The following EXOC3 variants were observed in gnomAD, a reference collection of about 807,000 sequenced individuals.
The protein encoded by EXOC3 is exocyst complex component 3.
EXOC3 carries 21 observed loss-of-function variants against 73.7 expected under a neutral mutation model. The observed-to-expected ratio is 0.29, with a 90% CI of 0.20 to 0.41. The LOEUF (loss-of-function observed/expected upper bound fraction) is 0.41, where lower values mean the gene tolerates loss of function less well. Among genes scored for constraint, EXOC3 ranks in the 10% least tolerant of loss-of-function variants. EXOC3 has a pLI of 1.00. For missense variants in EXOC3, 842 were observed against 985.1 expected (o/e 0.85, Z 1.95); for synonymous variants, 410 against 389.1 (o/e 1.05, Z -0.63).
At chr5:466,672 G>A (rs995202272) in intron 12 of EXOC3, 55 bp from the exon 13 acceptor site, 12 of 1,544,796 alleles carry the variant, frequency 7.8e-6, no homozygotes, top group South Asian at 4.8e-5. Flanking sequence ...CCCTGGCAGC[G>A]TGGTGCATCA....
rs79100071 is a variant in EXOC3 at position 460,213 on chromosome 5, T to C, written c.1391+754T>C. Among the ~76,000 whole-genome samples the C allele has an allele frequency of 1.7e-4, 26 of 152,358 alleles. No individual in the cohort carries two copies. In the East Asian group the frequency reaches 3.9e-3, roughly 23 times the overall value. On this transcript the variant is annotated intron_variant, in intron 7 of 12. Coordinates refer to ENST00000512944, the MANE Select transcript of EXOC3 (RefSeq NM_007277.5). ...TTGATAGTTGTGAATCAGATTGGAC[T>C]GCATCGCATGAGGGCTTAGGGTTCC...
At chr5:454,796 T>C (rs1223254839) in intron 4 of EXOC3, among the ~76,000 whole-genome samples, 4 of 152,000 alleles carry the variant, frequency 2.6e-5, no homozygotes, top group Admixed American at 2.6e-4. Flanking sequence ...AAGTAATGTA[T>C]TGGAATTTCT....
intron 4 of EXOC3, among the ~76,000 whole-genome samples, chr5:456,395 T>TG (rs755528741): frequency 1.3e-5 from 1 of 75,650 alleles, no homozygotes; most frequent in Admixed American, 1.2e-4. Flanking sequence ...CCCGTGGCTG[T>TG]GGGGGCGGCT....
chr5:459,355 T>C lies in EXOC3; in HGVS notation c.1291-4T>C, dbSNP rs1737915860. On this transcript the variant is annotated splice_region_variant and splice_polypyrimidine_tract_variant and intron_variant, in intron 6 of 12. Coordinates refer to ENST00000512944, the MANE Select transcript of EXOC3 (RefSeq NM_007277.5). ...CCAGAATTCATAAGTTCTCTGATTT[T>C]TAGATGTTTGAACAGAATCTTCAAG... The C allele has an allele frequency of 6.6e-7, 1 of 1,506,670 alleles. No homozygotes were observed. The highest frequency in any genetic ancestry group is 1.7e-4 in the Middle Eastern group (1 of 5,822). The allele number at this position is 1,506,670 out of a possible 1,614,324, so 93.3% of individuals were successfully genotyped here. A position where few individuals can be genotyped will look rare whatever the true frequency, so the allele number is the denominator to read the frequency against.
chr5:464,402 C>T lies in EXOC3; in HGVS notation c.1766C>T (p.Pro589Leu). The change falls in exon 10 of 13, where the codon CCG (proline) becomes CTG (leucine). Residue 589 changes from proline (P) to leucine (L), a missense_variant. Pro to Leu is a moderately conservative substitution (Grantham distance 98). Coordinates refer to ENST00000512944, the MANE Select transcript of EXOC3 (RefSeq NM_007277.5). ...YFNDFAKIKK[P>L]YKKRMTAEAH... is the part of the protein sequence containing the mutation. ...AACGATTTTGCCAAAATTAAAAAGCCGTATAAGAAGGTAAGAAGGTGGGAC... is the reference window on the plus strand; with the variant it reads ...AACGATTTTGCCAAAATTAAAAAGCTGTATAAGAAGGTAAGAAGGTGGGAC... 1 of 1,613,520 alleles carries T rather than the reference C, an allele frequency of 6.2e-7. No individual in the cohort carries two copies. The highest frequency in any genetic ancestry group is 1.1e-5 in the South Asian group (1 of 91,052).
At chr5:451,544 A>G (rs1400523871) in intron 3 of EXOC3, among the ~76,000 whole-genome samples, 1 of 152,186 alleles carries the variant, frequency 6.6e-6, no homozygotes, top group Non-Finnish European at 1.5e-5. Context: ...AACCAGAACA[A>G]ATATTAGTCT....
chr5:451,421 T>G (rs1189661507), intron 3 of EXOC3, among the ~76,000 whole-genome samples: 1 of 152,238 alleles, frequency 6.6e-6, no homozygotes, highest in Non-Finnish European at 1.5e-5. Context: ...TTTAATGCAT[T>G]CATTTTTAAA....
At chr5:452,099 A>G (rs762578009) in intron 3 of EXOC3, among the ~76,000 whole-genome samples, 11 of 152,170 alleles carry the variant, frequency 7.2e-5, no homozygotes, top group Non-Finnish European at 1.5e-4. Flanking sequence ...GTTTTCACCT[A>G]TTATTTCTTC....
intron 12 of EXOC3, chr5:466,478 C>G (rs983386730): frequency 5.9e-6 from 3 of 508,302 alleles, no homozygotes; most frequent in Non-Finnish European, 1.0e-5. Flanking sequence ...GGTCTCCCCT[C>G]TGGTTGGGCC....
chr5:466,506 A>G, intron 12 of EXOC3: 1 of 546,566 alleles, frequency 1.8e-6, no homozygotes, highest in Non-Finnish European at 3.2e-6. Context: ...AGATTTATAA[A>G]AGCAGTGTTG....
intron 9 of EXOC3, chr5:462,655 T>C: frequency 4.2e-6 from 1 of 239,258 alleles, no homozygotes; most frequent in Middle Eastern, 1.4e-3. Flanking sequence ...AGTTTCGCTT[T>C]TGAATATAGG....
intron 3 of EXOC3, among the ~76,000 whole-genome samples, chr5:448,865 G>A (rs1257594245): frequency 2.0e-5 from 3 of 152,240 alleles, no homozygotes; most frequent in Non-Finnish European, 2.9e-5. Context: ...GCTGCAGTCC[G>A]TGTCTCTTTG....
rs371045555 is a variant in EXOC3 at position 447,525 on chromosome 5, C to T, written c.145-8C>T. 4,721 of 1,544,186 alleles carry T rather than the reference C, an allele frequency of 3.1e-3. 11 individuals carry two copies. Among genetic ancestry groups the T allele is most frequent in the Non-Finnish European group, 3.9e-3 (4,422 of 1,140,470 alleles). ...GGCTCTGCTCACCCGTGTGGCGTCTCTCTTTAGGCCGCCATCCAGTCACAG... is the reference window on the plus strand; with the variant it reads ...GGCTCTGCTCACCCGTGTGGCGTCTTTCTTTAGGCCGCCATCCAGTCACAG... On this transcript the variant is annotated splice_polypyrimidine_tract_variant and splice_region_variant and intron_variant, in intron 2 of 12. Coordinates refer to ENST00000512944, the MANE Select transcript of EXOC3 (RefSeq NM_007277.5).
At position 467,010 on chromosome 5, in the gene EXOC3, C is replaced by A; in HGVS notation, c.*112C>A. The A allele has an allele frequency of 8.7e-7, 1 of 1,144,666 alleles. No homozygotes were observed. Among genetic ancestry groups the A allele is most frequent in the Non-Finnish European group, 1.2e-6 (1 of 811,090 alleles). 70.9% of individuals were successfully genotyped at this position (1,144,666 alleles called of 1,614,324 possible). A position where few individuals can be genotyped will look rare whatever the true frequency, so the allele number is the denominator to read the frequency against. On this transcript the variant is annotated 3_prime_UTR_variant, in exon 13 of 13. Coordinates refer to ENST00000512944, the MANE Select transcript of EXOC3 (RefSeq NM_007277.5). ...CACGTGCTCCTTTTAGCTGCACGGC[C>A]TGTCTTTAGGTGCCAGTGTGATGCA...
chr5:447,909 G>T (rs984543985), intron 3 of EXOC3, among the ~76,000 whole-genome samples, 157 bp downstream of exon 3: 2 of 152,208 alleles, frequency 1.3e-5, no homozygotes, highest in African/African-American at 4.8e-5. Flanking sequence ...GAACGTGGAT[G>T]GAAGTGATCA....
chr5:443,468 C>T (rs1281074380), intron 1 of EXOC3, among the ~76,000 whole-genome samples, 178 bp downstream of exon 1: 3 of 152,246 alleles, frequency 2.0e-5, no homozygotes, highest in Non-Finnish European at 2.9e-5. Context: ...TGCGAGTGTC[C>T]TCGGCGCAGG....
chr5:458,490 A>G (rs1238574574), intron 6 of EXOC3, among the ~76,000 whole-genome samples: 1 of 152,106 alleles, frequency 6.6e-6, no homozygotes, highest in Non-Finnish European at 1.5e-5. Context: ...TGCAATCTCT[A>G]CCTCCTGGGT....
chr5:465,218 G>A lies in EXOC3; in HGVS notation c.1884G>A (p.Glu628=), dbSNP rs769484514. 2.1e-5 allele frequency: 33 copies of A among 1,594,066 alleles called. No individual in the cohort carries two copies. The highest frequency in any genetic ancestry group is 2.3e-5 in the South Asian group (2 of 87,680). The change falls in exon 11 of 13, where the codon GAG becomes GAA. Residue 628 remains glutamate (E), a synonymous_variant. Transcript: ENST00000512944. ...CGGAGGAGCGCAAGGAGGGTGCCGA[G>A]AAGATGGTTAGGGAGGCAGAGCAGC... ...RSPEERKEGA[E]KMVREAEQLR... is the part of the protein sequence containing the mutation.
At chr5:446,555 C>T (rs2126571401) in intron 2 of EXOC3, among the ~76,000 whole-genome samples, 1 of 152,348 alleles carries the variant, frequency 6.6e-6, no homozygotes, top group South Asian at 2.1e-4. Flanking sequence ...ACCAAAGGAA[C>T]AAGCTTTTAA....
Sources: gnomAD v4.1 joint callset for allele counts (sites outside exome capture counted in the v4.1 genomes callset) on GRCh38, gnomAD v4.1.1 for gene constraint, MANE v1.5 for transcripts, NCBI Gene and HGNC (gene_info 2026-07-23, HGNC 2026-07-21) for gene names.